The following SPATA1 variants were observed in gnomAD, a reference collection of about 807,000 sequenced individuals.
SPATA1 encodes spermatogenesis associated 1.
SPATA1 carries 57 observed loss-of-function variants against 59.6 expected under a neutral mutation model. The ratio of observed to expected loss-of-function variants is 0.96; its 90% CI spans 0.77 to 1.19. The LOEUF (loss-of-function observed/expected upper bound fraction) is 1.19, where lower values mean the gene tolerates loss of function less well. SPATA1 is among the 50% of genes most tolerant of loss of function. The pLI is 0.00. For synonymous variants in SPATA1, 147 were observed against 163.9 expected (o/e 0.90, Z 0.79); for missense variants, 448 against 480.7 (o/e 0.93, Z 0.64).
downstream of SPATA1, among the ~76,000 whole-genome samples, chr1:84,558,482 G>A (rs1019040563): frequency 6.6e-6 from 1 of 151,206 alleles, no homozygotes; most frequent in East Asian, 2.0e-4. Flanking sequence ...TAGTAGAGAC[G>A]GGGTTTCACC....
chr1:84,552,004 G>C (rs1684288292), intron 12 of SPATA1: 1 of 152,046 alleles, frequency 6.6e-6, no homozygotes, highest in Non-Finnish European at 1.5e-5. Flanking sequence ...TACAAAAACA[G>C]TAAGGACAAG....
At chr1:84,557,025 A>G (rs1192700254), downstream of SPATA1, among the ~76,000 whole-genome samples, 1 of 152,140 alleles carries the variant, frequency 6.6e-6, no homozygotes, top group Non-Finnish European at 1.5e-5. Flanking sequence ...AGCCTTTTTG[A>G]TATTATTAAG....
At chr1:84,520,732 G>T (rs780954424) in intron 3 of SPATA1, 41 bp downstream of exon 3, 46 of 1,304,128 alleles carry the variant, frequency 3.5e-5, no homozygotes, top group Non-Finnish European at 4.6e-5. Flanking sequence ...CCTGAAAGAA[G>T]AATCTGTTTT....
At chr1:84,547,914 A>T (rs775803964) in intron 10 of SPATA1, among the ~76,000 whole-genome samples, 1 of 152,206 alleles carries the variant, frequency 6.6e-6, no homozygotes, top group African/African-American at 2.4e-5. Context: ...TGACTGCTGT[A>T]TAGAATACCC....
intron 8 of SPATA1, among the ~76,000 whole-genome samples, chr1:84,541,559 A>G (rs1198399439): frequency 6.6e-6 from 1 of 151,926 alleles, no homozygotes; most frequent in Non-Finnish European, 1.5e-5. Flanking sequence ...AGTTTGGCCA[A>G]TTTTCATTTC....
intron 8 of SPATA1, among the ~76,000 whole-genome samples, chr1:84,543,719 C>T (rs1334755714): frequency 6.6e-6 from 1 of 151,780 alleles, no homozygotes; most frequent in Non-Finnish European, 1.5e-5. Context: ...GGTAGAAACA[C>T]AAAAATTAGG....
chr1:84,534,183 T>C (rs1683585498), intron 8 of SPATA1, among the ~76,000 whole-genome samples: 1 of 152,090 alleles, frequency 6.6e-6, no homozygotes, highest in African/African-American at 2.4e-5. Context: ...CTGTGTGACC[T>C]TGGATATGTT....
intron 2 of SPATA1, among the ~76,000 whole-genome samples, chr1:84,519,436 G>A (rs1682928549): frequency 1.3e-5 from 2 of 151,760 alleles, no homozygotes; most frequent in Admixed American, 1.3e-4. Context: ...CTGGAAAAAA[G>A]CCATTAAAAT....
intron 8 of SPATA1, among the ~76,000 whole-genome samples, chr1:84,543,595 A>T (rs1476592150): frequency 6.6e-6 from 1 of 152,152 alleles, no homozygotes; most frequent in Non-Finnish European, 1.5e-5. Context: ...AACAGTATCA[A>T]TGGGGAAATC....
At chr1:84,560,077 C>CT (rs1257484530) in intron 4 of SPATA1, among the ~76,000 whole-genome samples, 2 of 103,736 alleles carry the variant, frequency 1.9e-5, no homozygotes, top group African/African-American at 8.2e-5. Context: ...GAGCAAGACT[C>CT]TGTCTCAAAA....
intron 1 of SPATA1, among the ~76,000 whole-genome samples, chr1:84,507,803 T>C (rs529716250): frequency 2.0e-5 from 3 of 152,238 alleles, no homozygotes; most frequent in South Asian, 2.1e-4. Context: ...TAATTACTTC[T>C]GTGAGGGAGA....
At chr1:84,547,956 C>T (rs531118720) in intron 10 of SPATA1, among the ~76,000 whole-genome samples, 1 of 152,024 alleles carries the variant, frequency 6.6e-6, no homozygotes, top group African/African-American at 2.4e-5. Context: ...GCAGACAGAC[C>T]AGTTAGAAAG....
intron 6 of SPATA1, among the ~76,000 whole-genome samples, chr1:84,528,986 C>A (rs987268033): frequency 1.3e-5 from 2 of 152,012 alleles, no homozygotes; most frequent in Non-Finnish European, 2.9e-5. Flanking sequence ...TTTCAAATGG[C>A]ACCTTTACCA....
chr1:84,554,084 C>G (rs1343747430), exon 13 of SPATA1: 1 of 151,998 alleles, frequency 6.6e-6, no homozygotes, highest in Non-Finnish European at 1.5e-5. Flanking sequence ...GGAGACCCAT[C>G]TGGACAACAT....
At chr1:84,526,172 T>C (rs926906179) in intron 6 of SPATA1, 99 bp downstream of exon 6, 1 of 942,500 alleles carries the variant, frequency 1.1e-6, no homozygotes, top group Non-Finnish European at 1.5e-6. Flanking sequence ...GCCTTACAAA[T>C]ATAGGCAGTT....
chr1:84,563,701 T>A, intron 4 of SPATA1: 1 of 1,266,730 alleles, frequency 7.9e-7, no homozygotes, highest in Non-Finnish European at 1.1e-6. Context: ...ATATAATAGA[T>A]AATAAAAATT....
exon 13 of SPATA1, chr1:84,554,153 A>G (rs535148031): frequency 1.4e-4 from 21 of 152,188 alleles, no homozygotes; most frequent in Non-Finnish European, 2.1e-4. Flanking sequence ...AGATGTAGAA[A>G]GAAAAATTTA....
chr1:84,548,149 T>C (rs1684149358), intron 10 of SPATA1, among the ~76,000 whole-genome samples: 1 of 152,170 alleles, frequency 6.6e-6, no homozygotes, highest in African/African-American at 2.4e-5. Flanking sequence ...AGCTATATAA[T>C]TTTAATTAAA....
At chr1:84,545,753 TATC>T (rs1299674689) in exon 10 of SPATA1, 2 of 1,512,664 alleles carry the variant, frequency 1.3e-6, no homozygotes, top group Non-Finnish European at 1.8e-6. Context: ...ATTAAAACGA[TATC>T]ATGGTAAAGT....
Sources: allele counts gnomAD v4.1 joint callset (sites outside exome capture counted in the v4.1 genomes callset), GRCh38; gene constraint gnomAD v4.1.1; transcripts MANE v1.5; gene names NCBI Gene and HGNC (gene_info 2026-07-23, HGNC 2026-07-21).